GTF2A2: variants seen among roughly 807,000 people sequenced by gnomAD.
GTF2A2 encodes general transcription factor IIA subunit 2.
GTF2A2 carries 9 observed loss-of-function variants against 14.3 expected under a neutral mutation model. That is an observed-to-expected ratio of 0.63 (90% CI 0.38 to 1.10). The LOEUF (loss-of-function observed/expected upper bound fraction) is 1.10. Among genes scored for constraint, GTF2A2 ranks in the 50% least tolerant of loss-of-function variants. The pLI, the probability that GTF2A2 is intolerant of heterozygous loss-of-function variation, is 0.01. For synonymous variants in GTF2A2, 56 were observed against 46.0 expected, an observed-to-expected ratio of 1.22 and a Z score of -0.88; for missense variants, 90 against 124.6, an observed-to-expected ratio of 0.72 and a Z score of 1.32.
intron 2 of GTF2A2, chr15:59,651,052 A>T (rs1233782710): frequency 7.8e-6 from 2 of 256,842 alleles, no homozygotes; most frequent in Non-Finnish European, 1.5e-5. Flanking sequence ...GCTGGAAAGG[A>T]GAAGATAGAC....
chr15:59,639,433 C>T (rs925798887), intron 4 of GTF2A2, among the ~76,000 whole-genome samples: 12 of 150,798 alleles, frequency 8.0e-5, no homozygotes, highest in African/African-American at 2.2e-4. Context: ...GTTACATAAC[C>T]TTTCTTCCCC....
chr15:59,650,569 T>TC, intron 3 of GTF2A2, 100 bp downstream of exon 3: 1 of 636,636 alleles, frequency 1.6e-6, no homozygotes. Flanking sequence ...CTAAGCCACC[T>TC]CTTCCTCTTA....
At chr15:59,656,293 A>C (rs1891940918) in intron 1 of GTF2A2, among the ~76,000 whole-genome samples, 1 of 152,172 alleles carries the variant, frequency 6.6e-6, no homozygotes, top group Non-Finnish European at 1.5e-5. Context: ...ATATTTACTT[A>C]GCAAATTTTC....
At chr15:59,646,012 T>C (rs1259400336) in intron 3 of GTF2A2, among the ~76,000 whole-genome samples, 2 of 144,752 alleles carry the variant, frequency 1.4e-5, no homozygotes, top group African/African-American at 2.6e-5. Context: ...CCAGCTTGAG[T>C]GACAGAGTAA....
chr15:59,647,680 G>C (rs1381154407), intron 3 of GTF2A2, among the ~76,000 whole-genome samples: 2 of 152,114 alleles, frequency 1.3e-5, no homozygotes, highest in Admixed American at 1.3e-4. Context: ...CTGGATTCAA[G>C]CGATTCTCCC....
chr15:59,644,602 G>GAGTA (rs1891542090), intron 3 of GTF2A2, among the ~76,000 whole-genome samples: 1 of 152,212 alleles, frequency 6.6e-6, no homozygotes, highest in Non-Finnish European at 1.5e-5. Context: ...TGCTATGAAA[G>GAGTA]AGTAAGTTAC....
At chr15:59,650,635 G>C in intron 3 of GTF2A2, 34 bp downstream of exon 3, 1 of 1,185,030 alleles carries the variant, frequency 8.4e-7, no homozygotes, top group Non-Finnish European at 1.3e-6. Flanking sequence ...ACAACCATTG[G>C]TACAGGCTTC....
At chr15:59,650,242 G>C (rs1434991029) in intron 3 of GTF2A2, among the ~76,000 whole-genome samples, 1 of 152,178 alleles carries the variant, frequency 6.6e-6, no homozygotes, top group Non-Finnish European at 1.5e-5. Context: ...AGTTACCTAA[G>C]AGTCGGAGGG....
At chr15:59,653,849 C>G (rs1891865500) in intron 1 of GTF2A2, among the ~76,000 whole-genome samples, 2 of 152,194 alleles carry the variant, frequency 1.3e-5, no homozygotes, top group African/African-American at 4.8e-5. Flanking sequence ...ACCTCGGTAA[C>G]AGTAAACATA....
Position 59,639,032 on chromosome 15 carries a change from C to CATTTCTGCAATTCTAGAATAAATA in GTF2A2, c.*76_*99dup. On this transcript the variant is annotated 3_prime_UTR_variant, in exon 5 of 5. Transcript: ENST00000396060. ...ATTCTCTGGTATAGCACAGTGTAGT[C>CATTTCTGCAATTCTAGAATAAATA]ATTTCTGCAATTCTAGAATAAATAA... The CATTTCTGCAATTCTAGAATAAATA allele has an allele frequency of 1.3e-6, 1 of 755,010 alleles. No homozygotes were observed. The highest frequency in any genetic ancestry group is 2.4e-6 in the Non-Finnish European group (1 of 418,946). 46.8% of individuals were successfully genotyped at this position (755,010 alleles called of 1,614,324 possible). A position where few individuals can be genotyped will look rare whatever the true frequency, so the allele number is the denominator to read the frequency against.
intron 3 of GTF2A2, among the ~76,000 whole-genome samples, chr15:59,644,022 G>A (rs1304762580): frequency 2.6e-5 from 4 of 152,036 alleles, no homozygotes; most frequent in African/African-American, 9.7e-5. Flanking sequence ...AGCCTCCCAA[G>A]TAGCTGGGAT....
intron 4 of GTF2A2, among the ~76,000 whole-genome samples, chr15:59,641,261 T>C (rs1234719604): frequency 6.6e-6 from 1 of 151,456 alleles, no homozygotes; most frequent in Non-Finnish European, 1.5e-5. Context: ...ACATACATTT[T>C]TGCAAAAAAA....
intron 3 of GTF2A2, among the ~76,000 whole-genome samples, chr15:59,649,370 T>G (rs983379562): frequency 3.3e-5 from 5 of 152,214 alleles, no homozygotes; most frequent in Non-Finnish European, 7.3e-5. Context: ...GTCAAATTAC[T>G]TTAACTCTAG....
intron 1 of GTF2A2, among the ~76,000 whole-genome samples, chr15:59,654,785 T>C (rs1416975699): frequency 6.6e-6 from 1 of 152,172 alleles, no homozygotes; most frequent in Non-Finnish European, 1.5e-5. Context: ...TACCTACCAA[T>C]AGCTATACAG....
chr15:59,639,372 ATATTCATAC>A (rs776356162), intron 4 of GTF2A2, among the ~76,000 whole-genome samples: 1 of 152,152 alleles, frequency 6.6e-6, no homozygotes, highest in African/African-American at 2.4e-5. Flanking sequence ...TTAGCTCCTC[ATATTCATAC>A]TAGAGTAAAA....
At chr15:59,644,196 GA>G (rs1891527846) in intron 3 of GTF2A2, 1 of 152,158 alleles carries the variant, frequency 6.6e-6, no homozygotes, top group Admixed American at 6.5e-5. Flanking sequence ...TGCCCGGCCG[GA>G]AATTTTTAAA....
chr15:59,641,556 T>C (rs1891428356), intron 4 of GTF2A2, among the ~76,000 whole-genome samples: 2 of 151,692 alleles, frequency 1.3e-5, no homozygotes, highest in South Asian at 4.1e-4. Context: ...ATATTTAAAA[T>C]AATATAATTA....
At chr15:59,654,753 C>A (rs1438063338) in intron 1 of GTF2A2, among the ~76,000 whole-genome samples, 1 of 152,176 alleles carries the variant, frequency 6.6e-6, no homozygotes, top group East Asian at 1.9e-4. Flanking sequence ...CAATAACTTC[C>A]AGACTCACAG....
In GTF2A2 at chr15:59,639,464, A is replaced by AC. The variant is rs1555393793; in HGVS notation, c.305-308_305-307insG. Among the ~76,000 whole-genome samples, 21 of 142,630 alleles carry AC rather than the reference A, an allele frequency of 1.5e-4. No homozygotes were observed. The South Asian group carries it at 4.7e-3, about 32-fold the overall frequency. 93.6% of individuals were successfully genotyped at this position (142,630 alleles called of 152,430 possible). A position where few individuals can be genotyped will look rare whatever the true frequency, so the allele number is the denominator to read the frequency against. On this transcript the variant is annotated intron_variant, in intron 4 of 4. Transcript: ENST00000396060. ...TCCCCCAGGTCCTTTACTGTCCCAA[A>AC]TTTTTTTTTTTTTTTTGAGATGGAG... is the stretch of plus-strand genomic sequence containing the variant.
Sources: allele counts gnomAD v4.1 joint callset (sites outside exome capture counted in the v4.1 genomes callset), GRCh38; gene constraint gnomAD v4.1.1; transcripts MANE v1.5; gene names NCBI Gene and HGNC (gene_info 2026-07-23, HGNC 2026-07-21).